Variants in COL5A1 observed in about 807,000 individuals in gnomAD.
The protein encoded by COL5A1 is collagen alpha-1(V) chain.
In COL5A1, 16 loss-of-function variants were observed where a neutral mutation model predicts 263.7. That is an observed-to-expected ratio of 0.06 (90% CI 0.04 to 0.09). COL5A1 has a LOEUF of 0.09. COL5A1 is among the 10% of genes least tolerant of loss of function. The pLI is 1.00. For missense variants in COL5A1, 2,036 were observed against 2,540.5 expected, an observed-to-expected ratio of 0.80 and a Z score of 4.27; for synonymous variants, 1,012 against 1,004.5, an observed-to-expected ratio of 1.01 and a Z score of -0.14.
In COL5A1 at chr9:134,642,891, C is replaced by T. The variant is rs1831347896; in HGVS notation, c.109+595C>T. ...TGTTCGGGGGCACTGGGGACCCCTGCAGGGTGGTAGACAGCCCTGCTCCTA... is the reference window on the plus strand; with the variant it reads ...TGTTCGGGGGCACTGGGGACCCCTGTAGGGTGGTAGACAGCCCTGCTCCTA... On this transcript the variant is annotated intron_variant, in intron 1 of 65. Coordinates refer to ENST00000371817, the MANE Select transcript of COL5A1 (RefSeq NM_000093.5). The surrounding 1 kb of genome is among the most constrained non-coding windows in gnomAD (Gnocchi z 4.5). Among the ~76,000 whole-genome samples the T allele has an allele frequency of 6.6e-6, 1 of 152,240 alleles. No homozygotes were observed. Among genetic ancestry groups the T allele is most frequent in the African/African-American group, 2.4e-5 (1 of 41,472 alleles).
rs748855717 is a variant in COL5A1, at chr9:134,796,932, C to T, written c.2898+31C>T. 4 of 1,595,734 alleles carry T rather than the reference C, an allele frequency of 2.5e-6. No homozygotes were observed. In the South Asian group the frequency reaches 3.3e-5, roughly 13 times the overall value. ...TAATGGCTTCCTTGCTGGGCCAGCACTGCCTGTCCCCTCCAAAACCCACCT... is the reference window on the plus strand; with the variant it reads ...TAATGGCTTCCTTGCTGGGCCAGCATTGCCTGTCCCCTCCAAAACCCACCT... On this transcript the variant is annotated intron_variant, in intron 36 of 65. Transcript: ENST00000371817.
intron 64 of COL5A1, chr9:134,830,473 C>T (rs1035908576): frequency 2.2e-5 from 11 of 511,206 alleles, no homozygotes; most frequent in Admixed American, 1.7e-4. Context: ...GACGGTGCAG[C>T]CCCAGGCACC....
Position 134,836,301 on chromosome 9 carries a change from C to T in COL5A1, c.5370+1097C>T, listed in dbSNP as rs545702113. On this transcript the variant is annotated intron_variant, in intron 65 of 65. Coordinates refer to ENST00000371817, the MANE Select transcript of COL5A1 (RefSeq NM_000093.5). ...TGTGGAATGCACAGGAGAGAGGAAG[C>T]GAGGGGGTGCCAGGCCCTTTTTAAC... Among the ~76,000 whole-genome samples the T allele has an allele frequency of 3.3e-5, 5 of 152,230 alleles. No homozygotes were observed. The East Asian group carries it at 5.8e-4, about 18-fold the overall frequency.
rs1175899963 is a variant in COL5A1, at chr9:134,716,228, GA to G, written c.655-11037del. ...TATTATCCTCTTTTATCAACAGATGGAGGCCTGGAGTAATTAGTCATACGCT... is the reference window on the plus strand; with the variant it reads ...TATTATCCTCTTTTATCAACAGATGGGGCCTGGAGTAATTAGTCATACGCT... On this transcript the variant is annotated intron_variant, in intron 4 of 65. Transcript: ENST00000371817. The surrounding 1 kb of genome is among the most constrained non-coding windows in gnomAD (Gnocchi z 4.5). Among the ~76,000 whole-genome samples the G allele has an allele frequency of 2.0e-5, 3 of 152,134 alleles. No individual in the cohort carries two copies. The highest frequency in any genetic ancestry group is 2.9e-5 in the Non-Finnish European group (2 of 68,028).
chr9:134,812,788 CTGTGTG>C, intron 48 of COL5A1, 76 bp downstream of exon 48: 2 of 918,592 alleles, frequency 2.2e-6, no homozygotes, highest in Non-Finnish European at 1.7e-6. Flanking sequence ...GTGTGTGTGT[CTGTGTG>C]TATGTGTATG....
At chr9:134,760,339 A>C (rs567146767) in intron 18 of COL5A1, among the ~76,000 whole-genome samples, 1,171 of 75,418 alleles carry the variant, frequency 0.016, 66 homozygotes, top group African/African-American at 0.024. Context: ...ACATGCACAC[A>C]CACCCCCACA....
intron 32 of COL5A1, among the ~76,000 whole-genome samples, chr9:134,793,683 CG>C (rs200696376): frequency 0.011 from 1,660 of 152,182 alleles, 29 homozygotes; most frequent in African/African-American, 0.037. Flanking sequence ...TCTGGCAGCC[CG>C]GGCTCATTCG....
intron 1 of COL5A1, among the ~76,000 whole-genome samples, chr9:134,671,297 G>A (rs556536188): frequency 1.4e-4 from 22 of 152,316 alleles, no homozygotes; most frequent in African/African-American, 5.3e-4. Context: ...GGGAACGTCA[G>A]CTCCAAGTCC....
At chr9:134,815,457 A>G (rs562808064) in intron 50 of COL5A1, 119 bp from the exon 51 acceptor site, 3 of 1,012,908 alleles carry the variant, frequency 3.0e-6, no homozygotes, top group East Asian at 2.6e-5. Flanking sequence ...GAACTGCTGG[A>G]AAGTCTTAGG....
chr9:134,766,529 C>T, intron 22 of COL5A1, 31 bp downstream of exon 22: 2 of 1,611,812 alleles, frequency 1.2e-6, no homozygotes, highest in Non-Finnish European at 1.7e-6. Context: ...GGCCTGGCTT[C>T]AGGGGCACTT....
At position 134,652,622 on chromosome 9, in the gene COL5A1, C is replaced by A; in HGVS notation, c.109+10326C>A. Reference sequence around the variant, plus strand: ...GCTCTGCACCCCACAGTGCACGGGACAGCCCCCACCAAAAAGACTGACCCA... The same window carrying A: ...GCTCTGCACCCCACAGTGCACGGGAAAGCCCCCACCAAAAAGACTGACCCA... On this transcript the variant is annotated intron_variant, in intron 1 of 65. Transcript: ENST00000371817. This position sits in a 1 kb window ranked among gnomAD's most constrained non-coding sequence, Gnocchi z 4.4. 1 of 466,652 alleles carries A rather than the reference C, an allele frequency of 2.1e-6. No individual in the cohort carries two copies. The highest frequency in any genetic ancestry group is 4.5e-6 in the Non-Finnish European group (1 of 224,494). The allele number at this position is 466,652 out of a possible 1,614,324, so 28.9% of individuals were successfully genotyped here.
rs187625394 is a variant in COL5A1, at chr9:134,841,449, C to T, written c.5371-708C>T. 2.6e-5 allele frequency among the ~76,000 whole-genome samples: 4 copies of T among 152,136 alleles called. No individual in the cohort carries two copies. The highest frequency in any genetic ancestry group is 6.5e-5 in the Admixed American group (1 of 15,282). On this transcript the variant is annotated intron_variant, in intron 65 of 65. Coordinates refer to ENST00000371817, the MANE Select transcript of COL5A1 (RefSeq NM_000093.5). This position sits in a 1 kb window ranked among gnomAD's most constrained non-coding sequence, Gnocchi z 4.8. The stretch of plus-strand genomic sequence containing the variant: ...CCTAGGCTTCCATCCCACATCCCAG[C>T]GCCCAGGGTTGTGCTGTTTTGAGCA...
intron 64 of COL5A1, among the ~76,000 whole-genome samples, chr9:134,831,454 A>C: frequency 6.6e-6 from 1 of 152,174 alleles, no homozygotes; most frequent in Admixed American, 6.5e-5. Context: ...TGTTCCAAAA[A>C]GAGCTGCTGG....
At chr9:134,643,365 G>A (rs1296524099) in intron 1 of COL5A1, among the ~76,000 whole-genome samples, 2 of 152,154 alleles carry the variant, frequency 1.3e-5, no homozygotes, top group Non-Finnish European at 1.5e-5. Flanking sequence ...GCGATGGGAC[G>A]GTGGGCTCAG....
At chr9:134,685,635 A>AT (rs1676275548) in intron 1 of COL5A1, among the ~76,000 whole-genome samples, 1 of 122,644 alleles carries the variant, frequency 8.2e-6, no homozygotes, top group Admixed American at 8.3e-5. Flanking sequence ...CCATCCATCC[A>AT]CCATCCATCC....
rs144572962 is a variant in COL5A1, at chr9:134,680,783, G to A, written c.110-10129G>A. 1.5e-3 allele frequency among the ~76,000 whole-genome samples: 234 copies of A among 152,366 alleles called. 2 individuals are homozygous for A. The highest frequency in any genetic ancestry group is 4.9e-3 in the African/African-American group (202 of 41,584). On this transcript the variant is annotated intron_variant, in intron 1 of 65. Coordinates refer to ENST00000371817, the MANE Select transcript of COL5A1 (RefSeq NM_000093.5). The surrounding 1 kb of genome is among the most constrained non-coding windows in gnomAD (Gnocchi z 5.9). ...AAATTCCACAGGGGCAGAAGGACGG[G>A]TGAGGGCCGGGACTTTGACATCAGG...
At chr9:134,751,493 C>T (rs1415736352) in intron 13 of COL5A1, among the ~76,000 whole-genome samples, 1 of 152,182 alleles carries the variant, frequency 6.6e-6, no homozygotes, top group Non-Finnish European at 1.5e-5. Flanking sequence ...GGAGAGAGCC[C>T]TTGGGCCCCA....
chr9:134,795,607 C>G (rs1179047243), intron 34 of COL5A1, among the ~76,000 whole-genome samples: 1 of 152,146 alleles, frequency 6.6e-6, no homozygotes, highest in Non-Finnish European at 1.5e-5. Context: ...GGGGGCCAGG[C>G]CCACCGCAGA....
chr9:134,750,321 A>T (rs1835727563), intron 11 of COL5A1, among the ~76,000 whole-genome samples: 1 of 151,540 alleles, frequency 6.6e-6, no homozygotes, highest in African/African-American at 2.4e-5. Flanking sequence ...CTCCCTTCTT[A>T]TCCCTCCCTC....
Sources: gnomAD v4.1 joint callset for allele counts (sites outside exome capture counted in the v4.1 genomes callset) on GRCh38, gnomAD v4.1.1 for gene constraint, Gnocchi (gnomAD v3.1) non-coding constraint, MANE v1.5 for transcripts, NCBI Gene and HGNC (gene_info 2026-07-23, HGNC 2026-07-21) for gene names.